The following NCAM2 variants were observed in gnomAD, a reference collection of about 807,000 sequenced individuals.
NCAM2 encodes the protein N-CAM-2.
In NCAM2, 30 loss-of-function variants were observed where a neutral mutation model predicts 98.1. That is an observed-to-expected ratio of 0.31 (90% CI 0.23 to 0.41). NCAM2 has a LOEUF of 0.41. Ranked by LOEUF, NCAM2 falls within the 10% of genes least tolerant of loss-of-function variation. NCAM2 has a pLI of 1.00. For synonymous variants in NCAM2, 368 were observed against 342.4 expected (o/e 1.07, Z -0.83); for missense variants, 867 against 1,005.8 (o/e 0.86, Z 1.87).
At position 21,289,877 on chromosome 21, in the gene NCAM2, G is replaced by A. The variant is rs73320613; in HGVS notation, c.482-2227G>A. 7.6e-3 allele frequency among the ~76,000 whole-genome samples: 1,155 copies of A among 152,052 alleles called. 20 individuals are homozygous for A. The highest frequency in any genetic ancestry group is 0.027 in the African/African-American group (1,118 of 41,524). ...AGTGAAAACAACAAATTAGATGGGA[G>A]TCAAGGCAAAACTCCTGAGACTCAG... is the stretch of plus-strand genomic sequence containing the variant. On this transcript the variant is annotated intron_variant, in intron 4 of 17. Coordinates refer to ENST00000400546, the MANE Select transcript of NCAM2 (RefSeq NM_004540.5).
chr21:21,248,921 G>A (rs1243875670), intron 1 of NCAM2, among the ~76,000 whole-genome samples: 1 of 151,594 alleles, frequency 6.6e-6, no homozygotes, highest in Non-Finnish European at 1.5e-5. Context: ...TAACCTATTG[G>A]GTTAACAGTT....
At chr21:21,316,091 T>G (rs1455037105) in intron 5 of NCAM2, among the ~76,000 whole-genome samples, 1 of 152,188 alleles carries the variant, frequency 6.6e-6, no homozygotes, top group East Asian at 1.9e-4. Context: ...TAGCCCACAC[T>G]TTAGGATTCT....
Position 21,338,495 on chromosome 21 carries a change from A to G in NCAM2, c.1005A>G (p.Lys335=). 5 of 1,612,850 alleles carry G rather than the reference A, an allele frequency of 3.1e-6. No individual in the cohort carries two copies. The highest frequency in any genetic ancestry group is 4.2e-6 in the Non-Finnish European group (5 of 1,179,364). The change falls in exon 8 of 18, where the codon AAA becomes AAG. Residue 335 remains lysine, a synonymous_variant. Coordinates refer to ENST00000400546, the MANE Select transcript of NCAM2 (RefSeq NM_004540.5). The stretch of plus-strand genomic sequence containing the variant: ...AGCCTATTCCAGAAATCACTTGGAA[A>G]AGAGCTGTGGATGGCTTCACGTTCA... ...EGEPIPEITW[K]RAVDGFTFTE...
intron 1 of NCAM2, among the ~76,000 whole-genome samples, chr21:21,130,096 GA>G (rs1003541696): frequency 1.3e-5 from 2 of 151,838 alleles, no homozygotes; most frequent in African/African-American, 4.8e-5. Context: ...AAGGAACAAT[GA>G]GAAAAAAATA....
chr21:21,049,236 G>A (rs2065059691), intron 1 of NCAM2, among the ~76,000 whole-genome samples: 1 of 149,088 alleles, frequency 6.7e-6, no homozygotes, highest in African/African-American at 2.5e-5. Context: ...AGCCAGGATA[G>A]TCTCGATCTC....
intron 12 of NCAM2, among the ~76,000 whole-genome samples, chr21:21,447,577 CA>C (rs1980377481): frequency 1.3e-5 from 2 of 152,088 alleles, no homozygotes; most frequent in South Asian, 2.1e-4. Flanking sequence ...TTCTGCACAG[CA>C]AAATAAACTA....
At chr21:21,163,836 G>A (rs1460293839) in intron 1 of NCAM2, among the ~76,000 whole-genome samples, 1 of 152,160 alleles carries the variant, frequency 6.6e-6, no homozygotes, top group Non-Finnish European at 1.5e-5. Context: ...TTCACATTTA[G>A]TAAGGTGGGA....
At chr21:21,485,600 A>G (rs190392155) in intron 15 of NCAM2, among the ~76,000 whole-genome samples, 28 of 152,340 alleles carry the variant, frequency 1.8e-4, no homozygotes, top group Admixed American at 1.8e-3. Flanking sequence ...CACTTAAGTA[A>G]TCTTTACCTA....
At chr21:21,021,368 C>T (rs1007456024) in intron 1 of NCAM2, among the ~76,000 whole-genome samples, 2 of 152,098 alleles carry the variant, frequency 1.3e-5, no homozygotes, top group African/African-American at 4.8e-5. Flanking sequence ...TTGATGATGA[C>T]TTTTTTGGTT....
intron 1 of NCAM2, among the ~76,000 whole-genome samples, chr21:21,260,945 T>C (rs1052794577): frequency 1.3e-5 from 2 of 152,106 alleles, no homozygotes; most frequent in Non-Finnish European, 2.9e-5. Flanking sequence ...AACCACCATC[T>C]TTTGCCTTCA....
At chr21:21,527,351 T>C (rs1989383623) in intron 16 of NCAM2, among the ~76,000 whole-genome samples, 1 of 152,074 alleles carries the variant, frequency 6.6e-6, no homozygotes, top group Admixed American at 6.6e-5. Context: ...GACCTCATGA[T>C]AAGCTGGACT....
intron 8 of NCAM2, among the ~76,000 whole-genome samples, chr21:21,361,748 T>C (rs2075651844): frequency 6.6e-6 from 1 of 152,162 alleles, no homozygotes; most frequent in Admixed American, 6.6e-5. Flanking sequence ...AAAGTTAAAA[T>C]ATTCAGTTCA....
intron 1 of NCAM2, among the ~76,000 whole-genome samples, chr21:21,074,747 T>A (rs1437317142): frequency 2.0e-5 from 3 of 152,220 alleles, no homozygotes; most frequent in Admixed American, 2.0e-4. Context: ...TTTCTTCTTG[T>A]CTGGTCTGAT....
At chr21:21,093,337 A>G (rs986721621) in intron 1 of NCAM2, among the ~76,000 whole-genome samples, 1 of 152,040 alleles carries the variant, frequency 6.6e-6, no homozygotes, top group Non-Finnish European at 1.5e-5. Flanking sequence ...GCTATTGGAC[A>G]TTGTCATTAA....
chr21:21,349,951 G>T (rs73322767), intron 8 of NCAM2, among the ~76,000 whole-genome samples: 3,080 of 152,186 alleles, frequency 0.02, 83 homozygotes, highest in African/African-American at 0.071. Flanking sequence ...GCGTGGTAAG[G>T]ATGGTTAATT....
chr21:20,998,657 C>T, intron 1 of NCAM2, 39 bp downstream of exon 1: 1 of 1,593,692 alleles, frequency 6.3e-7, no homozygotes. Flanking sequence ...CTTTCCCTCC[C>T]CCTTCCACCC....
chr21:21,480,898 A>G (rs1031375854), intron 15 of NCAM2, among the ~76,000 whole-genome samples: 1 of 152,212 alleles, frequency 6.6e-6, no homozygotes, highest in African/African-American at 2.4e-5. Context: ...CAAGGTGAAG[A>G]ATTTTGTAGG....
intron 9 of NCAM2, among the ~76,000 whole-genome samples, chr21:21,399,340 C>G (rs2076580223): frequency 6.6e-6 from 1 of 152,098 alleles, no homozygotes; most frequent in African/African-American, 2.4e-5. Flanking sequence ...CACTGTTACA[C>G]TATTACATGT....
At chr21:21,275,542 A>G (rs2072697587) in intron 1 of NCAM2, among the ~76,000 whole-genome samples, 1 of 152,102 alleles carries the variant, frequency 6.6e-6, no homozygotes, top group Admixed American at 6.5e-5. Context: ...ATTATGAGAA[A>G]TATCCAAAAT....
Sources: allele counts gnomAD v4.1 joint callset (sites outside exome capture counted in the v4.1 genomes callset), GRCh38; gene constraint gnomAD v4.1.1; transcripts MANE v1.5; gene names NCBI Gene and HGNC (gene_info 2026-07-23, HGNC 2026-07-21).